Variants in ASTN2 observed in about 807,000 individuals in gnomAD.
The protein encoded by ASTN2 is astrotactin 2.
A neutral mutation model predicts 139.8 loss-of-function variants in ASTN2; 54 were observed. That is an observed-to-expected ratio of 0.39 (90% CI 0.31 to 0.48). The LOEUF (loss-of-function observed/expected upper bound fraction) is 0.48. ASTN2 is among the 20% of genes least tolerant of loss of function. The probability of loss-of-function intolerance (pLI) is 0.95; values close to 1 mark genes in which losing one functional copy is unlikely to be tolerated. For synonymous variants in ASTN2, 756 were observed against 719.5 expected, an observed-to-expected ratio of 1.05 and a Z score of -0.81; for missense variants, 1,565 against 1,725.1, an observed-to-expected ratio of 0.91 and a Z score of 1.64.
intron 2 of ASTN2, among the ~76,000 whole-genome samples, chr9:117,286,470 T>A (rs956413662): frequency 1.3e-5 from 2 of 150,624 alleles, no homozygotes; most frequent in Non-Finnish European, 1.5e-5. Context: ...GATCACGAGG[T>A]CCGGAGATCA....
At position 117,081,524 on chromosome 9, in the gene ASTN2, C is replaced by G. The variant is rs1482349929; in HGVS notation, c.1276+14520G>C. Among the ~76,000 whole-genome samples the G allele has an allele frequency of 4.6e-5, 7 of 152,256 alleles. No homozygotes were observed. In the East Asian group the frequency reaches 1.4e-3, roughly 29 times the overall value. On this transcript the variant is annotated intron_variant, in intron 5 of 22. Coordinates refer to ENST00000313400, the MANE Select transcript of ASTN2 (RefSeq NM_001365068.1). The stretch of plus-strand genomic sequence containing the variant: ...CCCCTTAATGTGGGTGCCACTGTGA[C>G]TATGATAGGATATCACTCCATAATT...
chr9:117,344,930 G>T (rs1295392902), intron 1 of ASTN2, among the ~76,000 whole-genome samples: 1 of 152,076 alleles, frequency 6.6e-6, no homozygotes, highest in East Asian at 1.9e-4. Flanking sequence ...ATTTATTCAG[G>T]AATGTTGATA....
chr9:117,108,051 T>G (rs1829150954), intron 4 of ASTN2, among the ~76,000 whole-genome samples: 1 of 152,146 alleles, frequency 6.6e-6, no homozygotes, highest in South Asian at 2.1e-4. Context: ...GACTAAACAT[T>G]TATGTATGGT....
chr9:116,923,235 T>C (rs951049944), intron 10 of ASTN2, among the ~76,000 whole-genome samples: 5 of 152,258 alleles, frequency 3.3e-5, no homozygotes, highest in South Asian at 4.1e-4. Context: ...AAGTCCTTCC[T>C]GTGCTGTCTC....
intron 6 of ASTN2, among the ~76,000 whole-genome samples, chr9:117,032,398 C>T (rs1838272436): frequency 6.6e-6 from 1 of 152,116 alleles, no homozygotes; most frequent in Non-Finnish European, 1.5e-5. Flanking sequence ...AGAACTTCCA[C>T]CCATAAGCAT....
At chr9:116,904,427 G>A (rs1356480083) in intron 10 of ASTN2, among the ~76,000 whole-genome samples, 1 of 152,180 alleles carries the variant, frequency 6.6e-6, no homozygotes, top group Non-Finnish European at 1.5e-5. Flanking sequence ...TTAAGAGGCT[G>A]TACTGTGTTG....
At chr9:117,188,835 T>C (rs1156934125) in intron 3 of ASTN2, among the ~76,000 whole-genome samples, 2 of 151,834 alleles carry the variant, frequency 1.3e-5, no homozygotes, top group Non-Finnish European at 2.9e-5. Flanking sequence ...ATTTTGAGAG[T>C]CCCATGGGAG....
chr9:116,739,156 TGA>T (rs1462625328), intron 13 of ASTN2, among the ~76,000 whole-genome samples: 1 of 152,176 alleles, frequency 6.6e-6, no homozygotes, highest in Non-Finnish European at 1.5e-5. Context: ...ACTCTGGCAG[TGA>T]GAGGTCTCCT....
intron 3 of ASTN2, among the ~76,000 whole-genome samples, chr9:117,207,437 C>A (rs1304984454): frequency 1.3e-5 from 2 of 152,134 alleles, no homozygotes; most frequent in African/African-American, 4.8e-5. Context: ...GTGGGTTGTC[C>A]CCCTCAGACA....
At chr9:117,408,315 G>GT (rs2130975682) in intron 1 of ASTN2, among the ~76,000 whole-genome samples, 1 of 152,266 alleles carries the variant, frequency 6.6e-6, no homozygotes, top group Admixed American at 6.5e-5. Context: ...AATTTGGACT[G>GT]TAGGGTAGGT....
intron 3 of ASTN2, among the ~76,000 whole-genome samples, chr9:117,165,489 A>G (rs926523781): frequency 6.6e-6 from 1 of 152,040 alleles, no homozygotes; most frequent in African/African-American, 2.4e-5. Context: ...CCATACCTCT[A>G]AACTGCGGCT....
intron 15 of ASTN2, among the ~76,000 whole-genome samples, chr9:116,727,293 CA>C (rs1828655497): frequency 1.3e-5 from 2 of 152,166 alleles, no homozygotes; most frequent in South Asian, 4.1e-4. Context: ...TGGGACACAG[CA>C]AACACACCAA....
intron 16 of ASTN2, among the ~76,000 whole-genome samples, chr9:116,709,013 C>T (rs1174886423): frequency 6.6e-6 from 1 of 152,218 alleles, no homozygotes; most frequent in Admixed American, 6.5e-5. Context: ...CCCTTCAGCC[C>T]CATGCTATAT....
chr9:116,686,907 G>A, intron 16 of ASTN2: 5 of 1,512,938 alleles, frequency 3.3e-6, no homozygotes, highest in South Asian at 1.2e-5. Flanking sequence ...CCCCAGAATG[G>A]AAGTTTGATT....
intron 3 of ASTN2, among the ~76,000 whole-genome samples, chr9:117,147,998 G>T (rs534706557): frequency 2.2e-3 from 341 of 152,278 alleles, no homozygotes; most frequent in Admixed American, 6.0e-3. Context: ...AGGAAATCTG[G>T]TGCTGCCTGA....
intron 3 of ASTN2, among the ~76,000 whole-genome samples, chr9:117,206,433 A>T (rs1045846981): frequency 6.6e-6 from 1 of 152,204 alleles, no homozygotes; most frequent in Non-Finnish European, 1.5e-5. Flanking sequence ...CCAAGAATTT[A>T]TACAGCTGCA....
chr9:117,376,671 T>C (rs188963855), intron 1 of ASTN2, among the ~76,000 whole-genome samples: 88 of 152,334 alleles, frequency 5.8e-4, no homozygotes, highest in African/African-American at 2.0e-3. Context: ...CCAGATCTTC[T>C]GACTGTAGTC....
chr9:117,286,610 G>A (rs1004640645), intron 2 of ASTN2, among the ~76,000 whole-genome samples: 2 of 152,142 alleles, frequency 1.3e-5, no homozygotes, highest in African/African-American at 4.8e-5. Flanking sequence ...ATAATAGCTT[G>A]TTCTGATAAA....
At chr9:117,247,625 T>A (rs1383183355) in intron 2 of ASTN2, among the ~76,000 whole-genome samples, 1 of 152,230 alleles carries the variant, frequency 6.6e-6, no homozygotes, top group East Asian at 1.9e-4. Flanking sequence ...ACAAAAACTG[T>A]CATCCAGCAC....
Sources: gnomAD v4.1 joint callset for allele counts (sites outside exome capture counted in the v4.1 genomes callset) on GRCh38, gnomAD v4.1.1 for gene constraint, MANE v1.5 for transcripts, NCBI Gene and HGNC (gene_info 2026-07-23, HGNC 2026-07-21) for gene names.